Variants in SCFD2 observed in about 807,000 individuals in gnomAD.
The protein encoded by SCFD2 is sec1 family domain containing 2, also known as sec1 family domain-containing protein 2.
Under a neutral mutation model 58.9 loss-of-function variants are expected in SCFD2, and 54 were observed. That is an observed-to-expected ratio of 0.92 (90% CI 0.74 to 1.15). The LOEUF is 1.15. SCFD2 is among the 50% of genes most tolerant of loss of function. SCFD2 has a pLI of 0.00. For synonymous variants in SCFD2, 321 were observed against 335.9 expected (o/e 0.96, Z 0.49); for missense variants, 805 against 836.6 (o/e 0.96, Z 0.47).
At chr4:52,936,565 C>T (rs1209521690) in intron 5 of SCFD2, among the ~76,000 whole-genome samples, 1 of 152,176 alleles carries the variant, frequency 6.6e-6, no homozygotes, top group African/African-American at 2.4e-5. Context: ...CTCCTGAGCA[C>T]CCATCAAGTC....
intron 5 of SCFD2, among the ~76,000 whole-genome samples, chr4:53,069,565 T>C (rs562753046): frequency 3.2e-4 from 49 of 152,186 alleles, no homozygotes; most frequent in African/African-American, 1.2e-3. Context: ...TTTTAGATGA[T>C]AGAACTCTGT....
intron 5 of SCFD2, among the ~76,000 whole-genome samples, chr4:53,142,785 T>C (rs1212708613): frequency 1.3e-5 from 2 of 152,206 alleles, no homozygotes; most frequent in Non-Finnish European, 2.9e-5. Context: ...GGTATGTCTA[T>C]ACTGGCCAAG....
intron 4 of SCFD2, among the ~76,000 whole-genome samples, chr4:53,206,571 G>A (rs1255545530): frequency 6.6e-6 from 1 of 151,906 alleles, no homozygotes; most frequent in Non-Finnish European, 1.5e-5. Context: ...TTTTTTAATC[G>A]TAAAAACTCC....
intron 4 of SCFD2, among the ~76,000 whole-genome samples, chr4:53,164,765 G>A (rs1355860925): frequency 9.6e-5 from 11 of 114,270 alleles, no homozygotes; most frequent in Admixed American, 3.7e-4. Flanking sequence ...CAGCCTGGGC[G>A]AAAAAGCGAG....
intron 2 of SCFD2, among the ~76,000 whole-genome samples, chr4:53,346,934 T>C (rs901182709): frequency 1.3e-5 from 2 of 152,190 alleles, no homozygotes; most frequent in African/African-American, 4.8e-5. Context: ...TAATAACAAA[T>C]AACTTTCACA....
intron 5 of SCFD2, among the ~76,000 whole-genome samples, chr4:53,044,556 C>T (rs1483460992): frequency 1.3e-5 from 2 of 150,666 alleles, no homozygotes; most frequent in African/African-American, 4.9e-5. Flanking sequence ...ATATACTTTA[C>T]AGGATTCCTT....
chr4:53,264,487 A>G (rs1187045589), intron 4 of SCFD2, among the ~76,000 whole-genome samples: 1 of 152,222 alleles, frequency 6.6e-6, no homozygotes, highest in Non-Finnish European at 1.5e-5. Context: ...ATGCTGCCAA[A>G]TGACTCTTGA....
chr4:53,204,161 A>G (rs545025625), intron 4 of SCFD2, among the ~76,000 whole-genome samples: 1 of 152,184 alleles, frequency 6.6e-6, no homozygotes, highest in Non-Finnish European at 1.5e-5. Context: ...CAAACCCCCC[A>G]TAAACTTAGC....
chr4:53,267,634 C>T (rs1021144819), intron 4 of SCFD2, among the ~76,000 whole-genome samples: 23 of 152,240 alleles, frequency 1.5e-4, no homozygotes, highest in African/African-American at 4.3e-4. Flanking sequence ...CAGGCTGGAG[C>T]GCAGTGGCTA....
intron 5 of SCFD2, among the ~76,000 whole-genome samples, chr4:52,985,872 A>T (rs185097584): frequency 6.6e-6 from 1 of 151,932 alleles, no homozygotes; most frequent in Non-Finnish European, 1.5e-5. Context: ...GAAATTTCCA[A>T]TCAGATAAGA....
intron 5 of SCFD2, among the ~76,000 whole-genome samples, chr4:53,087,049 G>T (rs1193636131): frequency 1.3e-5 from 2 of 152,120 alleles, no homozygotes; most frequent in African/African-American, 4.8e-5. Flanking sequence ...GTAACACAAA[G>T]AATAAATGCT....
chr4:53,215,187 AAGAAAGTC>A (rs564265933), intron 4 of SCFD2, among the ~76,000 whole-genome samples: 23 of 152,002 alleles, frequency 1.5e-4, no homozygotes, highest in Non-Finnish European at 2.5e-4. Context: ...CAATTCTGTG[AAGAAAGTC>A]ATTGGTAGCT....
intron 3 of SCFD2, among the ~76,000 whole-genome samples, chr4:53,277,454 T>C (rs775831588): frequency 1.3e-5 from 2 of 152,180 alleles, no homozygotes; most frequent in Non-Finnish European, 2.9e-5. Flanking sequence ...ATTCATTTAA[T>C]GATCATACAA....
chr4:52,936,125 C>A (rs1391078086), intron 5 of SCFD2, among the ~76,000 whole-genome samples: 1 of 152,188 alleles, frequency 6.6e-6, no homozygotes, highest in Non-Finnish European at 1.5e-5. Context: ...GTGTGAGCCA[C>A]CGCACCCAGA....
In SCFD2 at chr4:52,873,081, G is replaced by A. The variant is rs1431016742; in HGVS notation, c.*888C>T. On this transcript the variant is annotated 3_prime_UTR_variant, in exon 9 of 9. Transcript: ENST00000401642. ...GTTGCAAGTGGTTCGTTTTTGCCCT[G>A]GAGTTCTTACAAAGTTTCACTAGGT... 3 of 152,154 alleles carry A rather than the reference G, an allele frequency of 2.0e-5. No homozygotes were observed. The highest frequency in any genetic ancestry group is 7.2e-5 in the African/African-American group (3 of 41,432). 9.4% of individuals were successfully genotyped at this position (152,154 alleles called of 1,614,324 possible).
intron 5 of SCFD2, among the ~76,000 whole-genome samples, chr4:52,974,755 C>T (rs1272005925): frequency 2.0e-5 from 3 of 152,026 alleles, no homozygotes; most frequent in African/African-American, 7.2e-5. Flanking sequence ...CATCACACTA[C>T]CTGACTTCAA....
At chr4:52,965,672 C>G (rs1486634864) in intron 5 of SCFD2, among the ~76,000 whole-genome samples, 1 of 152,212 alleles carries the variant, frequency 6.6e-6, no homozygotes. Context: ...CTGCTGTAGC[C>G]AGCAAGCCTG....
intron 5 of SCFD2, among the ~76,000 whole-genome samples, chr4:52,966,523 C>T (rs533859844): frequency 2.0e-4 from 30 of 152,312 alleles, no homozygotes; most frequent in Non-Finnish European, 3.7e-4. Flanking sequence ...AAATCTCAAC[C>T]ACCCCTTACT....
At position 53,099,941 on chromosome 4, in the gene SCFD2, C is replaced by A. The variant is rs80183905; in HGVS notation, c.1561+45392G>T. ...AGTTTATAAAATACTGGAAAAGACA[C>A]TGAATTGAACCTCATTCTAGTTCAG... On this transcript the variant is annotated intron_variant, in intron 5 of 8. Coordinates refer to ENST00000401642, the MANE Select transcript of SCFD2 (RefSeq NM_152540.4). 9.5e-3 allele frequency among the ~76,000 whole-genome samples: 1,449 copies of A among 152,184 alleles called. 25 individuals are homozygous for A. The highest frequency in any genetic ancestry group is 0.033 in the African/African-American group (1,371 of 41,522).
Sources: gnomAD v4.1 joint callset for allele counts (sites outside exome capture counted in the v4.1 genomes callset) on GRCh38, gnomAD v4.1.1 for gene constraint, MANE v1.5 for transcripts, NCBI Gene and HGNC (gene_info 2026-07-23, HGNC 2026-07-21) for gene names.